ERMP1: variants seen among roughly 807,000 people sequenced by gnomAD.
ERMP1 encodes the protein endoplasmic reticulum metallopeptidase 1, also known as Felix-ina.
In ERMP1, 86 loss-of-function variants were observed where a neutral mutation model predicts 92.0. That is an observed-to-expected ratio of 0.93 (90% CI 0.79 to 1.12). The LOEUF is 1.12. Ranked by LOEUF, ERMP1 falls within the 50% of genes most tolerant of loss-of-function variation. The probability of loss-of-function intolerance (pLI) is 0.00; values close to 1 mark genes in which losing one functional copy is unlikely to be tolerated. For synonymous variants in ERMP1, 530 were observed against 412.8 expected (o/e 1.28, Z -3.44); for missense variants, 1,342 against 1,116.3 (o/e 1.20, Z -2.88).
upstream of ERMP1, among the ~76,000 whole-genome samples, chr9:5,834,701 A>ATGTG (rs1461362378): frequency 3.8e-3 from 236 of 62,856 alleles, 2 homozygotes; most frequent in African/African-American, 8.4e-3. Flanking sequence ...ATGTATGTAT[A>ATGTG]TATGTGTGTG....
intron 8 of ERMP1, among the ~76,000 whole-genome samples, chr9:5,809,791 A>G (rs754241380): frequency 2.7e-4 from 41 of 152,332 alleles, no homozygotes; most frequent in Non-Finnish European, 5.1e-4. Flanking sequence ...CCACCCTAAC[A>G]CTGTTAACAG....
intron 6 of ERMP1, among the ~76,000 whole-genome samples, chr9:5,849,985 C>G (rs947490528): frequency 2.0e-5 from 3 of 152,150 alleles, no homozygotes; most frequent in African/African-American, 7.2e-5. Flanking sequence ...GGATTTCAAT[C>G]GTGGCCTTGC....
chr9:5,800,798 C>T (rs1187822566), intron 11 of ERMP1, among the ~76,000 whole-genome samples: 3 of 152,200 alleles, frequency 2.0e-5, no homozygotes, highest in East Asian at 1.9e-4. Context: ...CACTTCTAAA[C>T]ATCAATTTTA....
At chr9:5,857,246 C>G (rs1375763966) in intron 6 of ERMP1, among the ~76,000 whole-genome samples, 1 of 152,002 alleles carries the variant, frequency 6.6e-6, no homozygotes, top group East Asian at 1.9e-4. Flanking sequence ...GGTCTCAAAC[C>G]CCTGAGCTCA....
At chr9:5,843,046 TA>T (rs1830185270) in intron 6 of ERMP1, among the ~76,000 whole-genome samples, 1 of 152,244 alleles carries the variant, frequency 6.6e-6, no homozygotes, top group Non-Finnish European at 1.5e-5. Flanking sequence ...ACAGACTTGT[TA>T]TTCAAAAGTG....
At chr9:5,857,355 A>C (rs570361207) in intron 6 of ERMP1, among the ~76,000 whole-genome samples, 1 of 152,284 alleles carries the variant, frequency 6.6e-6, no homozygotes, top group East Asian at 1.9e-4. Context: ...TGAAATAAGA[A>C]GGCAGAGTCT....
chr9:5,822,854 G>GA (rs1829592027), intron 4 of ERMP1, among the ~76,000 whole-genome samples: 1 of 152,186 alleles, frequency 6.6e-6, no homozygotes, highest in Non-Finnish European at 1.5e-5. Flanking sequence ...TTGCATGTGT[G>GA]AAAAATCAGA....
At chr9:5,812,322 G>C (rs1829128547) in intron 5 of ERMP1, 105 bp from the exon 6 acceptor site, 4 of 632,576 alleles carry the variant, frequency 6.3e-6, no homozygotes, top group Non-Finnish European at 1.1e-5. Context: ...TGTCAAAGCA[G>C]TGGCACGATT....
chr9:5,813,321 A>G (rs1394193520), intron 4 of ERMP1, among the ~76,000 whole-genome samples: 1 of 152,224 alleles, frequency 6.6e-6, no homozygotes, highest in Non-Finnish European at 1.5e-5. Context: ...AATGCCTATT[A>G]TCAATTGTAT....
At position 5,833,000 on chromosome 9, in the gene ERMP1, C is replaced by A; in HGVS notation, c.28G>T (p.Val10Leu). The change falls in exon 1 of 15, where the codon GTG becomes TTG. Residue 10 changes from valine (V) to leucine (L), a missense_variant. Physicochemically the swap from Val to Leu is conservative, Grantham distance 32 (BLOSUM62 1). Transcript: ENST00000339450. ...TCTACTCCGACGCGGTGCCGCCTCA[C>A]AGCAGCCGACTCAGAACCCCACTCC... is the stretch of plus-strand genomic sequence containing the variant. MEWGSESAA[V>L]RRHRVGVERR... 3 of 1,557,292 alleles carry A rather than the reference C, an allele frequency of 1.9e-6. No homozygotes were observed. In the South Asian group the frequency reaches 3.5e-5, roughly 18 times the overall value.
At chr9:5,789,606 G>A (rs562184914) in intron 13 of ERMP1, among the ~76,000 whole-genome samples, 4 of 152,340 alleles carry the variant, frequency 2.6e-5, no homozygotes, top group Non-Finnish European at 5.9e-5. Context: ...GTGCAGTGGT[G>A]TGAACACAGC....
At chr9:5,828,780 G>C (rs577169238) in intron 2 of ERMP1, among the ~76,000 whole-genome samples, 2 of 152,124 alleles carry the variant, frequency 1.3e-5, no homozygotes, top group Non-Finnish European at 2.9e-5. Flanking sequence ...GAAGGGTAGA[G>C]GGGAAACTTT....
intron 6 of ERMP1, among the ~76,000 whole-genome samples, chr9:5,858,524 A>C (rs1235519196): frequency 6.6e-6 from 1 of 152,082 alleles, no homozygotes; most frequent in African/African-American, 2.4e-5. Context: ...TGTCCTGCAC[A>C]CCTCCACTCA....
At position 5,790,872 on chromosome 9, in the gene ERMP1, A is replaced by C. The variant is rs778652993; in HGVS notation, c.2387-3279T>G. On this transcript the variant is annotated intron_variant, in intron 13 of 14. Coordinates refer to ENST00000339450, the MANE Select transcript of ERMP1 (RefSeq NM_024896.3). The stretch of plus-strand genomic sequence containing the variant: ...CACATCAATTGAGCTTTGTGGGGTG[A>C]TGGAAATGTTTTATATCTTCATAGA... 6.6e-5 allele frequency among the ~76,000 whole-genome samples: 10 copies of C among 152,358 alleles called. 1 individual carries two copies. Among genetic ancestry groups the C allele is most frequent in the East Asian group, 1.9e-4 (1 of 5,194 alleles).
intron 4 of ERMP1, among the ~76,000 whole-genome samples, chr9:5,815,532 C>G (rs1033651526): frequency 3.3e-4 from 50 of 150,298 alleles, no homozygotes; most frequent in African/African-American, 1.1e-3. Context: ...GAAAGCCTTC[C>G]TTCTTGCAGA....
At position 5,786,284 on chromosome 9, in the gene ERMP1, A is replaced by G. The variant is rs574018626; in HGVS notation, c.*860T>C. ...CCACTCCCAGCCTTCCTTCTACCCCAGAATAGCCCAGATGGCAGCTCAGTG... is the reference window on the plus strand; with the variant it reads ...CCACTCCCAGCCTTCCTTCTACCCCGGAATAGCCCAGATGGCAGCTCAGTG... On this transcript the variant is annotated 3_prime_UTR_variant, in exon 15 of 15. Transcript: ENST00000339450. 92 of 152,374 alleles carry G rather than the reference A, an allele frequency of 6.0e-4. No homozygotes were observed. Among genetic ancestry groups the G allele is most frequent in the African/African-American group, 2.2e-3 (90 of 41,574 alleles). The allele number at this position is 152,374 out of a possible 1,614,324, so 9.4% of individuals were successfully genotyped here.
At chr9:5,838,910 T>A (rs528402610) in intron 6 of ERMP1, among the ~76,000 whole-genome samples, 1 of 152,132 alleles carries the variant, frequency 6.6e-6, no homozygotes, top group Non-Finnish European at 1.5e-5. Context: ...TCTGGGTGAT[T>A]TTCCCCCTCT....
intron 2 of ERMP1, among the ~76,000 whole-genome samples, chr9:5,825,612 C>A (rs1184959795): frequency 6.6e-6 from 1 of 152,242 alleles, no homozygotes; most frequent in Non-Finnish European, 1.5e-5. Context: ...GTGCTCACAG[C>A]TTCCTGCATC....
intron 8 of ERMP1, among the ~76,000 whole-genome samples, chr9:5,806,681 C>T (rs1365445364): frequency 2.0e-5 from 3 of 152,128 alleles, no homozygotes; most frequent in Non-Finnish European, 4.4e-5. Context: ...CTCAAGCAGT[C>T]TTCCCACCTC....
Sources: gnomAD v4.1 joint callset for allele counts (sites outside exome capture counted in the v4.1 genomes callset) on GRCh38, gnomAD v4.1.1 for gene constraint, MANE v1.5 for transcripts, NCBI Gene and HGNC (gene_info 2026-07-23, HGNC 2026-07-21) for gene names.